Variants in CNTNAP2 observed in about 807,000 individuals in gnomAD.
CNTNAP2 encodes contactin-associated protein-like 2.
A neutral mutation model predicts 155.2 loss-of-function variants in CNTNAP2; 98 were observed. The ratio of observed to expected loss-of-function variants is 0.63; its 90% CI spans 0.54 to 0.75. CNTNAP2 has a LOEUF of 0.75. Among genes scored for constraint, CNTNAP2 ranks in the 30% least tolerant of loss-of-function variants. The probability of loss-of-function intolerance (pLI) is 0.00; values close to 1 mark genes in which losing one functional copy is unlikely to be tolerated. For missense variants in CNTNAP2, 1,727 were observed against 1,688.1 expected (o/e 1.02, Z -0.40); for synonymous variants, 651 against 631.2 (o/e 1.03, Z -0.47).
chr7:147,549,917 C>T (rs1427924448), intron 11 of CNTNAP2, among the ~76,000 whole-genome samples: 4 of 152,050 alleles, frequency 2.6e-5, no homozygotes, highest in Admixed American at 2.6e-4. Context: ...CTGTATAAAG[C>T]AATACATTAT....
chr7:147,558,621 C>T (rs1442121714), intron 11 of CNTNAP2, among the ~76,000 whole-genome samples: 4 of 152,112 alleles, frequency 2.6e-5, no homozygotes, highest in Admixed American at 6.5e-5. Flanking sequence ...GCAGCTTAGG[C>T]CTATTGTAGG....
At chr7:147,416,287 C>A (rs1797192487) in intron 10 of CNTNAP2, among the ~76,000 whole-genome samples, 1 of 152,200 alleles carries the variant, frequency 6.6e-6, no homozygotes, top group African/African-American at 2.4e-5. Flanking sequence ...CATGCGTGAT[C>A]ATGAGCAGCT....
rs190824273 is a variant in CNTNAP2, at chr7:146,290,305, G to A, written c.97+173332G>A. Among the ~76,000 whole-genome samples the A allele has an allele frequency of 3.0e-4, 46 of 152,288 alleles. No individual in the cohort carries two copies. In the East Asian group the frequency reaches 7.4e-3, roughly 24 times the overall value. Reference sequence around the variant, plus strand: ...CATCCAGTTGAGTTCTCCTACTTGAGCATGAATCCCGTCTTAACCCTCAGT... The same window carrying A: ...CATCCAGTTGAGTTCTCCTACTTGAACATGAATCCCGTCTTAACCCTCAGT... On this transcript the variant is annotated intron_variant, in intron 1 of 23. Transcript: ENST00000361727.
intron 4 of CNTNAP2, among the ~76,000 whole-genome samples, chr7:147,062,652 T>C (rs1364762613): frequency 1.3e-5 from 2 of 152,210 alleles, no homozygotes; most frequent in Admixed American, 1.3e-4. Flanking sequence ...GCCAAGTGCT[T>C]AGCACCATGG....
chr7:148,044,001 A>G (rs970471976), intron 15 of CNTNAP2, among the ~76,000 whole-genome samples: 4 of 152,206 alleles, frequency 2.6e-5, no homozygotes, highest in Admixed American at 1.3e-4. Flanking sequence ...CATGTCTTAC[A>G]TGGTTAAAGA....
At chr7:148,322,610 A>G (rs1797813173) in intron 21 of CNTNAP2, among the ~76,000 whole-genome samples, 1 of 116,594 alleles carries the variant, frequency 8.6e-6, no homozygotes. Flanking sequence ...TCTGTGATCA[A>G]GGAGTTAATT....
At chr7:148,002,424 T>A (rs576873688) in intron 15 of CNTNAP2, among the ~76,000 whole-genome samples, 1 of 152,292 alleles carries the variant, frequency 6.6e-6, no homozygotes, top group African/African-American at 2.4e-5. Flanking sequence ...TGCGCACTTT[T>A]ATATAAACAC....
intron 9 of CNTNAP2, among the ~76,000 whole-genome samples, chr7:147,321,426 T>A (rs1795348500): frequency 6.6e-6 from 1 of 151,082 alleles, no homozygotes; most frequent in Non-Finnish European, 1.5e-5. Flanking sequence ...TACAGAGTTA[T>A]TTTTTATTTT....
At chr7:147,972,813 C>G (rs2116856979) in intron 14 of CNTNAP2, among the ~76,000 whole-genome samples, 1 of 152,178 alleles carries the variant, frequency 6.6e-6, no homozygotes, top group African/African-American at 2.4e-5. Flanking sequence ...TCAACAAAGG[C>G]TCGTTTTGCT....
At chr7:147,532,222 G>A (rs944759795) in intron 11 of CNTNAP2, among the ~76,000 whole-genome samples, 1 of 152,076 alleles carries the variant, frequency 6.6e-6, no homozygotes, top group African/African-American at 2.4e-5. Flanking sequence ...TGAATGTTTT[G>A]CTGCTTAGAA....
At chr7:146,903,717 A>G (rs1468519815) in intron 3 of CNTNAP2, among the ~76,000 whole-genome samples, 2 of 152,172 alleles carry the variant, frequency 1.3e-5, no homozygotes, top group Non-Finnish European at 2.9e-5. Flanking sequence ...GCAGAGAGAG[A>G]GGAAAGGATG....
chr7:146,530,559 G>A (rs78981849), intron 1 of CNTNAP2, among the ~76,000 whole-genome samples: 2,294 of 152,198 alleles, frequency 0.015, 50 homozygotes, highest in Middle Eastern at 0.068. Flanking sequence ...TTAAAAAGTG[G>A]GCAAAAGACA....
intron 3 of CNTNAP2, among the ~76,000 whole-genome samples, chr7:146,947,276 A>C (rs1797196486): frequency 6.6e-6 from 1 of 151,020 alleles, no homozygotes; most frequent in African/African-American, 2.4e-5. Flanking sequence ...CATTTTTTAA[A>C]TTTTTTTCTC....
rs558240024 is a variant in CNTNAP2 at position 148,368,387 on chromosome 7, C to T, written c.3476-15262C>T. Among the ~76,000 whole-genome samples, 5 of 152,320 alleles carry T rather than the reference C, an allele frequency of 3.3e-5. No individual in the cohort carries two copies. The East Asian group carries it at 9.6e-4, about 29-fold the overall frequency. Reference sequence around the variant, plus strand: ...TAGAAGTAGCTCCCAGCTGAGGCCTCCCCTGGTCTCCAGGCATCTGGATAA... The same window carrying T: ...TAGAAGTAGCTCCCAGCTGAGGCCTTCCCTGGTCTCCAGGCATCTGGATAA... On this transcript the variant is annotated intron_variant, in intron 21 of 23. Transcript: ENST00000361727.
chr7:146,739,170 A>G (rs1469071889), intron 1 of CNTNAP2, among the ~76,000 whole-genome samples: 1 of 151,570 alleles, frequency 6.6e-6, no homozygotes, highest in African/African-American at 2.4e-5. Flanking sequence ...TCATCTTTCT[A>G]CTAACTTTGG....
chr7:147,188,939 T>A (rs1184362968), intron 8 of CNTNAP2, among the ~76,000 whole-genome samples: 2 of 152,192 alleles, frequency 1.3e-5, no homozygotes, highest in Non-Finnish European at 2.9e-5. Flanking sequence ...AGCATTGTGT[T>A]GTTTTGCCAA....
At chr7:147,181,005 A>G (rs559554601) in intron 8 of CNTNAP2, among the ~76,000 whole-genome samples, 5 of 152,222 alleles carry the variant, frequency 3.3e-5, no homozygotes, top group Non-Finnish European at 7.3e-5. Flanking sequence ...ATTATAGCTT[A>G]AAATATGTCA....
chr7:148,264,673 A>G (rs1238072339), intron 20 of CNTNAP2, among the ~76,000 whole-genome samples: 1 of 152,154 alleles, frequency 6.6e-6, no homozygotes, highest in Non-Finnish European at 1.5e-5. Flanking sequence ...AGAAAATAGA[A>G]CTTTGTTACA....
chr7:148,235,930 C>T (rs1353337496), intron 20 of CNTNAP2, among the ~76,000 whole-genome samples: 1 of 152,024 alleles, frequency 6.6e-6, no homozygotes, highest in Non-Finnish European at 1.5e-5. Flanking sequence ...CGTGATCCAC[C>T]CTCCTTGGCC....
Sources: gnomAD v4.1 joint callset for allele counts (sites outside exome capture counted in the v4.1 genomes callset) on GRCh38, gnomAD v4.1.1 for gene constraint, MANE v1.5 for transcripts, NCBI Gene and HGNC (gene_info 2026-07-23, HGNC 2026-07-21) for gene names.